The following RUNX3 variants were observed in gnomAD, a reference collection of about 807,000 sequenced individuals.
RUNX3 encodes RUNX family transcription factor 3.
In RUNX3, 10 loss-of-function variants were observed where a neutral mutation model predicts 27.7. The observed-to-expected ratio is 0.36, with a 90% confidence interval of 0.22 to 0.61. RUNX3 has a LOEUF of 0.61. RUNX3 is among the 20% of genes least tolerant of loss of function. The probability of loss-of-function intolerance (pLI) is 0.72; values close to 1 mark genes in which losing one functional copy is unlikely to be tolerated. For missense variants in RUNX3, 469 were observed against 629.5 expected, an observed-to-expected ratio of 0.75 and a Z score of 2.73; for synonymous variants, 270 against 269.2, an observed-to-expected ratio of 1.00 and a Z score of -0.03.
chr1:24,932,726 CTGTT>C (rs1641259776), upstream of RUNX3, among the ~76,000 whole-genome samples: 3 of 152,330 alleles, frequency 2.0e-5, no homozygotes, highest in South Asian at 6.2e-4. Context: ...AAATTGTCGT[CTGTT>C]TGATGGGAGG....
At chr1:24,929,301 G>C (rs375704526) in intron 1 of RUNX3, 26 of 654,482 alleles carry the variant, frequency 4.0e-5, no homozygotes, top group African/African-American at 3.4e-4. Context: ...TTAGGGGGGC[G>C]CAAAACCCCA....
chr1:24,906,256 G>T (rs898067024), intron 4 of RUNX3, among the ~76,000 whole-genome samples: 10 of 152,250 alleles, frequency 6.6e-5, no homozygotes, highest in Non-Finnish European at 1.5e-4. Context: ...AGCAGGTACT[G>T]TGGAGACTGT....
chr1:24,952,125 A>G (rs1042245401), intron 2 of RUNX3, among the ~76,000 whole-genome samples: 1 of 152,232 alleles, frequency 6.6e-6, no homozygotes, highest in African/African-American at 2.4e-5. Flanking sequence ...GAATTGATTC[A>G]TTTCAATGTT....
Position 24,923,196 on chromosome 1 carries a change from A to G in RUNX3, c.440-3852T>C, listed in dbSNP as rs1641033567. ...TCCTCGGCCGCTTCCACCAGCTTCC[A>G]CGCCTGTCACCACCCCTCCCAGGTA... is the stretch of plus-strand genomic sequence containing the variant. On this transcript the variant is annotated intron_variant, in intron 2 of 4. Coordinates refer to ENST00000308873, the MANE Select transcript of RUNX3 (RefSeq NM_004350.3). This position sits in a 1 kb window ranked among gnomAD's most constrained non-coding sequence, Gnocchi z 5.9. 6.6e-6 allele frequency among the ~76,000 whole-genome samples: 1 copy of G among 152,052 alleles called. No homozygotes were observed. Among genetic ancestry groups the G allele is most frequent in the South Asian group, 2.1e-4 (1 of 4,816 alleles).
rs576891728 is a variant in RUNX3 at position 24,910,610 on chromosome 1, C to T, written c.545-3193G>A. ...TACTTGTAGGCCCCCAAGCTCCCTA[C>T]GCATCCCTGTTGGAAGCTCAAACAG... On this transcript the variant is annotated intron_variant, in intron 3 of 4. Transcript: ENST00000308873. Among the ~76,000 whole-genome samples, 3 of 152,298 alleles carry T rather than the reference C, an allele frequency of 2.0e-5. No individual in the cohort carries two copies. The South Asian group carries it at 6.2e-4, about 32-fold the overall frequency.
At chr1:24,914,542 G>A (rs1380088097) in intron 3 of RUNX3, among the ~76,000 whole-genome samples, 1 of 152,188 alleles carries the variant, frequency 6.6e-6, no homozygotes. Context: ...GCTGGCCGGG[G>A]GCCAGCGGGC....
chr1:24,906,214 C>T (rs1454960899), intron 4 of RUNX3, among the ~76,000 whole-genome samples: 1 of 152,218 alleles, frequency 6.6e-6, no homozygotes, highest in Non-Finnish European at 1.5e-5. Flanking sequence ...GCCCCTTTAT[C>T]TGTCCCCTCA....
intron 4 of RUNX3, among the ~76,000 whole-genome samples, chr1:24,903,822 C>T (rs1007314458): frequency 2.6e-5 from 4 of 152,228 alleles, no homozygotes; most frequent in African/African-American, 4.8e-5. Context: ...GGTTTGGACA[C>T]TTACTAGCTT....
At chr1:24,919,904 C>G (rs1379380068) in intron 2 of RUNX3, among the ~76,000 whole-genome samples, 2 of 151,668 alleles carry the variant, frequency 1.3e-5, no homozygotes, top group Non-Finnish European at 2.9e-5. Flanking sequence ...CATTTAACCT[C>G]ACATCAGAAG....
chr1:24,920,743 GTTC>G (rs1640982628), intron 2 of RUNX3, among the ~76,000 whole-genome samples: 1 of 151,992 alleles, frequency 6.6e-6, no homozygotes, highest in Non-Finnish European at 1.5e-5. Context: ...TCTATTTCTC[GTTC>G]TTCTATCGTT....
chr1:24,919,785 G>A (rs1478227694), intron 2 of RUNX3, among the ~76,000 whole-genome samples: 1 of 151,266 alleles, frequency 6.6e-6, no homozygotes, highest in Non-Finnish European at 1.5e-5. Flanking sequence ...GCTGGAGATA[G>A]ACACCGTTAC....
chr1:24,904,310 A>G lies in RUNX3; in HGVS notation c.704-1644T>C, dbSNP rs1032104437. ...CTTCTCGGGGCTTTGGGGTCTTCCCAAGTCAGCTGGGGTATGTTTCCCTCA... is the reference window on the plus strand; with the variant it reads ...CTTCTCGGGGCTTTGGGGTCTTCCCGAGTCAGCTGGGGTATGTTTCCCTCA... On this transcript the variant is annotated intron_variant, in intron 4 of 4. Transcript: ENST00000308873. The surrounding 1 kb of genome is among the most constrained non-coding windows in gnomAD (Gnocchi z 5.7). Among the ~76,000 whole-genome samples the G allele has an allele frequency of 6.6e-6, 1 of 152,168 alleles. No homozygotes were observed. The highest frequency in any genetic ancestry group is 1.5e-5 in the Non-Finnish European group (1 of 68,016).
chr1:24,905,743 C>CG (rs1168470218), intron 4 of RUNX3, among the ~76,000 whole-genome samples: 18 of 152,238 alleles, frequency 1.2e-4, no homozygotes, highest in Non-Finnish European at 2.6e-4. Context: ...CGCTGAGCCC[C>CG]GATCCCCTGG....
chr1:24,958,516 G>A (rs1261296572), intron 2 of RUNX3, among the ~76,000 whole-genome samples: 1 of 152,158 alleles, frequency 6.6e-6, no homozygotes, highest in African/African-American at 2.4e-5. Context: ...CCTTGTTCTT[G>A]TGACTTCTCA....
In RUNX3 at chr1:24,902,519, G is replaced by T; in HGVS notation, c.851C>A (p.Pro284His). Residue 284 changes from proline (P) to histidine (H), a missense_variant, in exon 5 of 5, where the codon CCC becomes CAC. Coordinates refer to ENST00000308873, the MANE Select transcript of RUNX3 (RefSeq NM_004350.3). The surrounding 1 kb of genome is among the most constrained non-coding windows in gnomAD (Gnocchi z 9.2). ...GAGGCTGCTGATGCTCGTGCCCGAG[G>T]GCGTGGCGCTGTAGGGGAAGGCAGC... ...MSAAFPYSAT[P>H]SGTSISSLSV... 1 of 1,596,850 alleles carries T rather than the reference G, an allele frequency of 6.3e-7. No homozygotes were observed. The highest frequency in any genetic ancestry group is 8.6e-7 in the Non-Finnish European group (1 of 1,167,334).
chr1:24,935,404 C>T (rs1451879170), intron 2 of RUNX3, among the ~76,000 whole-genome samples: 4 of 152,214 alleles, frequency 2.6e-5, no homozygotes, highest in South Asian at 2.1e-4. Context: ...CCACCTCCCG[C>T]GGGGCGCCAG....
chr1:24,931,037 T>A (rs1328796279), upstream of RUNX3, among the ~76,000 whole-genome samples: 1 of 152,236 alleles, frequency 6.6e-6, no homozygotes, highest in Admixed American at 6.5e-5. Flanking sequence ...TGTGGCGGCC[T>A]GTGGCTCTTT....
rs2124242938 is a variant in RUNX3, at chr1:24,904,499, T to A, written c.704-1833A>T. Among the ~76,000 whole-genome samples, 1 of 152,226 alleles carries A rather than the reference T, an allele frequency of 6.6e-6. No homozygotes were observed. The highest frequency in any genetic ancestry group is 1.9e-4 in the East Asian group (1 of 5,164). ...TCCCGGCCCCTTGAGGCCGAGAGCC[T>A]CCGAGGCACCTGGCTGCCAGTTTTC... On this transcript the variant is annotated intron_variant, in intron 4 of 4. Coordinates refer to ENST00000308873, the MANE Select transcript of RUNX3 (RefSeq NM_004350.3). This position sits in a 1 kb window ranked among gnomAD's most constrained non-coding sequence, Gnocchi z 5.7.
At chr1:24,933,921 G>C (rs1296625841), upstream of RUNX3, among the ~76,000 whole-genome samples, 1 of 152,146 alleles carries the variant, frequency 6.6e-6, no homozygotes, top group African/African-American at 2.4e-5. Context: ...TAAATCCCCT[G>C]TCCAGAGGGA....
Sources: gnomAD v4.1 joint callset for allele counts (sites outside exome capture counted in the v4.1 genomes callset) on GRCh38, gnomAD v4.1.1 for gene constraint, Gnocchi (gnomAD v3.1) non-coding constraint, MANE v1.5 for transcripts, NCBI Gene and HGNC (gene_info 2026-07-23, HGNC 2026-07-21) for gene names.